The following AQP7B variants were observed in gnomAD, a reference collection of about 807,000 sequenced individuals.
The protein encoded by AQP7B is aquaporin 7B.
At chr2:94,589,793 C>A in the AQP7B span, among the ~76,000 whole-genome samples, 32 of 152,178 alleles carry the variant, frequency 2.1e-4, no homozygotes, top group East Asian at 6.0e-3. Context: ...CAAGTCCACT[C>A]CTCCTGTGCT....
chr2:94,603,828 G>C, the AQP7B span: 15 of 1,478,268 alleles, frequency 1.0e-5, no homozygotes, highest in African/African-American at 2.1e-4. Flanking sequence ...TCATCATCAG[G>C]GTGTCCCATG....
At chr2:94,595,459 A>T in the AQP7B span, among the ~76,000 whole-genome samples, 2 of 151,960 alleles carry the variant, frequency 1.3e-5, no homozygotes, top group Non-Finnish European at 2.9e-5. Context: ...AGAAAAAAAA[A>T]GAGAGAGAGA....
At chr2:94,592,970 T>C in the AQP7B span, among the ~76,000 whole-genome samples, 1 of 151,832 alleles carries the variant, frequency 6.6e-6, no homozygotes, top group Non-Finnish European at 1.5e-5. Flanking sequence ...ACCACAGGCA[T>C]ACACCACAAC....
At chr2:94,602,233 G>T in the AQP7B span, among the ~76,000 whole-genome samples, 3 of 152,020 alleles carry the variant, frequency 2.0e-5, no homozygotes, top group African/African-American at 7.2e-5. Flanking sequence ...TGAGGTGCTT[G>T]GATGTTTGTC....
At chr2:94,598,758 T>A in the AQP7B span, among the ~76,000 whole-genome samples, 1 of 152,238 alleles carries the variant, frequency 6.6e-6, no homozygotes, top group Non-Finnish European at 1.5e-5. Flanking sequence ...TTGGCAGCCC[T>A]GACACAGGGA....
chr2:94,603,077 G>C, the AQP7B span: 1 of 1,593,464 alleles, frequency 6.3e-7, no homozygotes, highest in Non-Finnish European at 8.6e-7. Flanking sequence ...CTAACTGTGC[G>C]CTGGGCCGCG....
chr2:94,597,377 C>T, the AQP7B span, among the ~76,000 whole-genome samples: 2 of 152,190 alleles, frequency 1.3e-5, no homozygotes, highest in African/African-American at 2.4e-5. Flanking sequence ...CTGTGTTTCT[C>T]TTCCTTTTGT....
the AQP7B span, among the ~76,000 whole-genome samples, chr2:94,594,308 G>A: frequency 1.3e-5 from 2 of 152,192 alleles, no homozygotes; most frequent in Non-Finnish European, 2.9e-5. Context: ...CTGTTGCCAG[G>A]CCCTGGCCTG....
chr2:94,595,756 G>C, the AQP7B span, among the ~76,000 whole-genome samples: 1 of 152,142 alleles, frequency 6.6e-6, no homozygotes, highest in Non-Finnish European at 1.5e-5. Flanking sequence ...TCTGCCAGCA[G>C]AAGATGTGGG....
At chr2:94,593,486 T>C in the AQP7B span, among the ~76,000 whole-genome samples, 1 of 139,978 alleles carries the variant, frequency 7.1e-6, no homozygotes, top group African/African-American at 2.7e-5. Context: ...TCCTCTTTTT[T>C]TTTTTTTTTT....
chr2:94,597,155 TC>T, the AQP7B span, among the ~76,000 whole-genome samples: 2 of 152,108 alleles, frequency 1.3e-5, no homozygotes. Flanking sequence ...CCTACTCCTC[TC>T]TTACCTCCCC....
At chr2:94,596,958 C>T in the AQP7B span, among the ~76,000 whole-genome samples, 32 of 152,292 alleles carry the variant, frequency 2.1e-4, no homozygotes, top group Admixed American at 1.8e-3. Context: ...CCTCGGCCTC[C>T]CAAAGTGCTG....
the AQP7B span, among the ~76,000 whole-genome samples, chr2:94,587,444 A>T: frequency 1.3e-5 from 2 of 152,166 alleles, no homozygotes; most frequent in African/African-American, 4.8e-5. Context: ...GGGATGGGGC[A>T]GCCTCCTCAG....
At chr2:94,596,612 C>T in the AQP7B span, among the ~76,000 whole-genome samples, 1 of 152,168 alleles carries the variant, frequency 6.6e-6, no homozygotes, top group Non-Finnish European at 1.5e-5. Flanking sequence ...AGAATTAGAC[C>T]TTCGTGGGCT....
the AQP7B span, among the ~76,000 whole-genome samples, chr2:94,592,778 A>G: frequency 1.4e-5 from 2 of 143,834 alleles, no homozygotes; most frequent in Admixed American, 1.4e-4. Context: ...GTATGATCCC[A>G]GCCCTTAGGA....
At chr2:94,592,181 G>A in the AQP7B span, among the ~76,000 whole-genome samples, 2 of 152,086 alleles carry the variant, frequency 1.3e-5, no homozygotes, top group African/African-American at 4.8e-5. Context: ...CCTCCAGCAT[G>A]GGAGGTGGGG....
At chr2:94,601,989 C>T in the AQP7B span, among the ~76,000 whole-genome samples, 1 of 151,570 alleles carries the variant, frequency 6.6e-6, no homozygotes, top group African/African-American at 2.4e-5. Context: ...TAGGGCCCCA[C>T]TGTTCCAGCA....
the AQP7B span, among the ~76,000 whole-genome samples, chr2:94,600,908 C>A: frequency 6.6e-6 from 1 of 150,812 alleles, no homozygotes; most frequent in Non-Finnish European, 1.5e-5. Context: ...TGGCTGCGTG[C>A]CGAGGCACAT....
the AQP7B span, among the ~76,000 whole-genome samples, chr2:94,598,078 A>T: frequency 6.6e-6 from 1 of 152,134 alleles, no homozygotes; most frequent in African/African-American, 2.4e-5. Flanking sequence ...TGGGAGAAAA[A>T]TTCTTGCTGT....
Sources: allele counts gnomAD v4.1 joint callset (sites outside exome capture counted in the v4.1 genomes callset), GRCh38; gene constraint gnomAD v4.1.1; transcripts MANE v1.5; gene names NCBI Gene and HGNC (gene_info 2026-07-23, HGNC 2026-07-21).